The following RALYL variants were observed in gnomAD, a reference collection of about 807,000 sequenced individuals.
RALYL encodes RNA-binding Raly-like protein.
Under a neutral mutation model 35.1 loss-of-function variants are expected in RALYL, and 29 were observed. The observed-to-expected ratio is 0.83, with a 90% CI of 0.61 to 1.13. The LOEUF (loss-of-function observed/expected upper bound fraction) is 1.13. Ranked by LOEUF, RALYL falls within the 50% of genes most tolerant of loss-of-function variation. RALYL has a pLI of 0.00. For synonymous variants in RALYL, 120 were observed against 127.6 expected, an observed-to-expected ratio of 0.94 and a Z score of 0.40; for missense variants, 359 against 360.4, an observed-to-expected ratio of 1.00 and a Z score of 0.03.
intron 3 of RALYL, among the ~76,000 whole-genome samples, chr8:84,789,798 C>T (rs181236984): frequency 4.4e-4 from 67 of 152,210 alleles, no homozygotes; most frequent in Admixed American, 2.0e-3. Flanking sequence ...CAGTTTGAAG[C>T]TCCATGAGCT....
chr8:84,428,769 G>C (rs796846058), intron 1 of RALYL, among the ~76,000 whole-genome samples: 10 of 152,194 alleles, frequency 6.6e-5, no homozygotes, highest in African/African-American at 2.4e-4. Context: ...AAGTTACTTT[G>C]TATAGTATAA....
chr8:84,495,412 T>C (rs1480073628), intron 1 of RALYL, among the ~76,000 whole-genome samples: 4 of 152,154 alleles, frequency 2.6e-5, no homozygotes, highest in Non-Finnish European at 5.9e-5. Flanking sequence ...TTTGTGATGA[T>C]TTATTAAAAG....
Position 84,899,397 on chromosome 8 carries a change from A to G in RALYL, c.858+11621A>G, listed in dbSNP as rs141789690. 2.0e-3 allele frequency among the ~76,000 whole-genome samples: 307 copies of G among 152,142 alleles called. 7 individuals carry two copies. The highest frequency in any genetic ancestry group is 0.016 in the Admixed American group (239 of 15,270). ...ATTTTTCCTCAGTGTAGTGCTTAGC[A>G]TATGTTAATGTTCATAAATATCTGT... On this transcript the variant is annotated intron_variant, in intron 8 of 8. Transcript: ENST00000521268.
intron 3 of RALYL, among the ~76,000 whole-genome samples, chr8:84,776,090 G>A (rs946204222): frequency 6.6e-6 from 1 of 152,188 alleles, no homozygotes; most frequent in African/African-American, 2.4e-5. Context: ...GGATAAAGGA[G>A]AATTAAGTTA....
chr8:84,710,566 T>C (rs1392028346), intron 2 of RALYL, among the ~76,000 whole-genome samples: 1 of 149,092 alleles, frequency 6.7e-6, no homozygotes, highest in African/African-American at 2.6e-5. Flanking sequence ...CCTCCCAAAG[T>C]GCTGGGATTA....
At chr8:84,906,880 C>A (rs1846596147) in intron 8 of RALYL, 1 of 847,532 alleles carries the variant, frequency 1.2e-6, no homozygotes, top group Non-Finnish European at 1.4e-6. Context: ...GCACTATCAG[C>A]CTTGCCCTGC....
At chr8:84,497,624 TTTG>T (rs1371081472) in intron 1 of RALYL, among the ~76,000 whole-genome samples, 6 of 149,810 alleles carry the variant, frequency 4.0e-5, no homozygotes, top group Non-Finnish European at 8.9e-5. Flanking sequence ...TTTTGTTTTT[TTTG>T]TTGTTTTTGT....
intron 1 of RALYL, among the ~76,000 whole-genome samples, chr8:84,289,105 T>C (rs992300556): frequency 3.3e-5 from 5 of 152,094 alleles, no homozygotes; most frequent in Non-Finnish European, 7.4e-5. Context: ...CTTATTGTTG[T>C]GACAGGAGGT....
chr8:84,656,147 A>G (rs1829919146), intron 2 of RALYL, among the ~76,000 whole-genome samples: 1 of 152,196 alleles, frequency 6.6e-6, no homozygotes, highest in African/African-American at 2.4e-5. Flanking sequence ...ACATATTTGC[A>G]GTATAACTGA....
chr8:84,816,083 A>G (rs1157083631), intron 4 of RALYL, among the ~76,000 whole-genome samples: 3 of 151,892 alleles, frequency 2.0e-5, no homozygotes, highest in African/African-American at 7.2e-5. Flanking sequence ...GAATAAGCAC[A>G]GAGTGATCAT....
chr8:84,263,537 T>C (rs957895700), intron 1 of RALYL, among the ~76,000 whole-genome samples: 2 of 152,224 alleles, frequency 1.3e-5, no homozygotes, highest in African/African-American at 4.8e-5. Flanking sequence ...GTTAAAAATC[T>C]GTAGTTGTTA....
At chr8:84,492,432 CAAT>C (rs2134061922) in intron 1 of RALYL, among the ~76,000 whole-genome samples, 1 of 152,144 alleles carries the variant, frequency 6.6e-6, no homozygotes, top group South Asian at 2.1e-4. Flanking sequence ...AAAAAGATCT[CAAT>C]AAATCTTCCC....
chr8:84,728,873 T>G (rs1190404125), intron 2 of RALYL, among the ~76,000 whole-genome samples: 1 of 152,226 alleles, frequency 6.6e-6, no homozygotes, highest in African/African-American at 2.4e-5. Context: ...TTTTGGTTAC[T>G]GTAGCCTTGT....
At chr8:84,207,204 C>A (rs1176203705) in intron 1 of RALYL, among the ~76,000 whole-genome samples, 1 of 152,086 alleles carries the variant, frequency 6.6e-6, no homozygotes, top group East Asian at 1.9e-4. Flanking sequence ...AAAGAGATAT[C>A]TGTACTTCCA....
chr8:84,648,533 A>T (rs948467430), intron 2 of RALYL, among the ~76,000 whole-genome samples: 1 of 151,992 alleles, frequency 6.6e-6, no homozygotes, highest in South Asian at 2.1e-4. Flanking sequence ...TTCCCTGGCC[A>T]TGCTAAACAT....
chr8:84,302,122 A>T (rs562796615), intron 1 of RALYL, among the ~76,000 whole-genome samples: 1 of 152,282 alleles, frequency 6.6e-6, no homozygotes, highest in East Asian at 1.9e-4. Flanking sequence ...TTATCATACA[A>T]CTGAGACATA....
chr8:84,240,591 A>T (rs1827636979), intron 1 of RALYL, among the ~76,000 whole-genome samples: 1 of 152,202 alleles, frequency 6.6e-6, no homozygotes, highest in Non-Finnish European at 1.5e-5. Context: ...AACAGACAGG[A>T]TGTACTATGG....
At chr8:84,571,597 GGTCTCA>G (rs564447699) in intron 2 of RALYL, among the ~76,000 whole-genome samples, 45 of 151,306 alleles carry the variant, frequency 3.0e-4, no homozygotes, top group African/African-American at 1.0e-3. Flanking sequence ...TAATTTTTTT[GGTCTCA>G]GTCTCATTTA....
chr8:84,525,039 TAACTAAGTAAAA>T (rs2058769638), intron 1 of RALYL, among the ~76,000 whole-genome samples: 1 of 148,274 alleles, frequency 6.7e-6, no homozygotes. Context: ...GCCTCAATTT[TAACTAAGTAAAA>T]TTAAAAATAC....
Sources: gnomAD v4.1 joint callset for allele counts (sites outside exome capture counted in the v4.1 genomes callset) on GRCh38, gnomAD v4.1.1 for gene constraint, MANE v1.5 for transcripts, NCBI Gene and HGNC (gene_info 2026-07-23, HGNC 2026-07-21) for gene names.